MTA3: variants seen among roughly 807,000 people sequenced by gnomAD.
MTA3 encodes the protein metastasis associated 1 family member 3.
MTA3 carries 34 observed loss-of-function variants against 83.5 expected under a neutral mutation model. The observed-to-expected ratio is 0.41, with a 90% CI of 0.31 to 0.54. MTA3 has a LOEUF of 0.54. Among genes scored for constraint, MTA3 ranks in the 20% least tolerant of loss-of-function variants. The pLI is 0.33. For synonymous variants in MTA3, 303 were observed against 252.7 expected (o/e 1.20, Z -1.89); for missense variants, 761 against 726.4 (o/e 1.05, Z -0.55).
At position 42,602,248 on chromosome 2, in the gene MTA3, A is replaced by G. The variant is rs569210756; in HGVS notation, c.191-7210A>G. Among the ~76,000 whole-genome samples, 3 of 152,316 alleles carry G rather than the reference A, an allele frequency of 2.0e-5. No individual in the cohort carries two copies. In the East Asian group the frequency reaches 5.8e-4, roughly 29 times the overall value. Reference sequence around the variant, plus strand: ...TGCCTCGGCCTCCTGAAGTGCTGGGATTACAGGCGTGAGCCACCATACCCA... The same window carrying G: ...TGCCTCGGCCTCCTGAAGTGCTGGGGTTACAGGCGTGAGCCACCATACCCA... On this transcript the variant is annotated intron_variant, in intron 3 of 16. Coordinates refer to ENST00000405094, the MANE Select transcript of MTA3 (RefSeq NM_001330442.2).
intron 4 of MTA3, among the ~76,000 whole-genome samples, chr2:42,616,073 T>G (rs1404453666): frequency 1.3e-5 from 2 of 151,610 alleles, no homozygotes; most frequent in Non-Finnish European, 2.9e-5. Flanking sequence ...TTTGTTTTTG[T>G]TTTTGAGACA....
intron 7 of MTA3, among the ~76,000 whole-genome samples, chr2:42,658,178 A>G (rs1202673772): frequency 2.6e-5 from 4 of 151,914 alleles, no homozygotes; most frequent in Non-Finnish European, 4.4e-5. Flanking sequence ...TTAAAGACTG[A>G]CAGTGCTAAG....
At position 42,553,349 on chromosome 2, in the gene MTA3, T is replaced by G. The variant is rs1330596842; in HGVS notation, c.-140-17088T>G. On this transcript the variant is annotated intron_variant, in intron 2 of 17. Transcript: ENST00000405592. ...TGAGGCAGGAGAATGGCGTGAACCC[T>G]GGAAGCGGAGCTTGCAGTGAGCCGA... 3.6e-5 allele frequency among the ~76,000 whole-genome samples: 5 copies of G among 138,124 alleles called. No homozygotes were observed. In the South Asian group the frequency reaches 9.2e-4, roughly 26 times the overall value. 90.6% of individuals were successfully genotyped at this position (138,124 alleles called of 152,430 possible). A position where few individuals can be genotyped will look rare whatever the true frequency, so the allele number is the denominator to read the frequency against.
intron 3 of MTA3, among the ~76,000 whole-genome samples, chr2:42,590,569 C>T (rs923681487): frequency 2.2e-4 from 33 of 151,724 alleles, no homozygotes; most frequent in African/African-American, 6.8e-4. Flanking sequence ...TTTATAGCAA[C>T]CCAAAATGGA....
intron 2 of MTA3, among the ~76,000 whole-genome samples, chr2:42,503,032 G>T (rs1674470824): frequency 6.6e-6 from 1 of 151,978 alleles, no homozygotes; most frequent in South Asian, 2.1e-4. Flanking sequence ...CCAAGAGAGG[G>T]TTATTGGATC....
intron 16 of MTA3, among the ~76,000 whole-genome samples, chr2:42,739,038 T>G: frequency 6.6e-6 from 1 of 152,186 alleles, no homozygotes. Flanking sequence ...CTGCCTCCAC[T>G]TGCCTTGTGA....
chr2:42,744,755 A>G (rs764437225), intron 16 of MTA3, among the ~76,000 whole-genome samples: 8 of 152,214 alleles, frequency 5.3e-5, no homozygotes, highest in Non-Finnish European at 1.0e-4. Context: ...CCATCAAAAG[A>G]GCAGTCATAA....
At chr2:42,748,359 C>T (rs535597014) in intron 16 of MTA3, among the ~76,000 whole-genome samples, 11 of 152,140 alleles carry the variant, frequency 7.2e-5, no homozygotes, top group South Asian at 2.1e-4. Context: ...CCACTGTGCC[C>T]GGCCTATTTT....
chr2:42,594,659 T>TAA (rs1681471957), intron 3 of MTA3, among the ~76,000 whole-genome samples: 5 of 136,686 alleles, frequency 3.7e-5, no homozygotes, highest in Non-Finnish European at 7.8e-5. Context: ...TATAAATATA[T>TAA]ATATACACAC....
chr2:42,738,052 A>G (rs1668735552), intron 16 of MTA3, among the ~76,000 whole-genome samples: 1 of 152,202 alleles, frequency 6.6e-6, no homozygotes, highest in Non-Finnish European at 1.5e-5. Flanking sequence ...GCTTGAGCCT[A>G]GGAGTTTGAG....
intron 10 of MTA3, 30 bp downstream of exon 10, chr2:42,695,869 G>GAATTC: frequency 7.2e-7 from 1 of 1,382,752 alleles, no homozygotes; most frequent in Non-Finnish European, 9.9e-7. Flanking sequence ...TACCAATATG[G>GAATTC]TTGCATTTAA....
At chr2:42,602,061 G>C (rs1489535627) in intron 3 of MTA3, among the ~76,000 whole-genome samples, 1 of 152,162 alleles carries the variant, frequency 6.6e-6, no homozygotes, top group African/African-American at 2.4e-5. Flanking sequence ...GGCTGGTCTC[G>C]AACTCCTGAC....
At chr2:42,520,582 C>CA (rs1553336965) in intron 2 of MTA3, among the ~76,000 whole-genome samples, 2 of 148,938 alleles carry the variant, frequency 1.3e-5, no homozygotes, top group Admixed American at 1.4e-4. Context: ...TTTGTTCCTC[C>CA]TTTTTTTTTT....
chr2:42,570,390 G>A (rs1678331820), intron 1 of MTA3, 47 bp from the exon 2 acceptor site: 1 of 1,233,608 alleles, frequency 8.1e-7, no homozygotes, highest in African/African-American at 1.5e-5. Context: ...TGACAAATCT[G>A]AACTTTCTGT....
Position 42,708,763 on chromosome 2 carries a change from A to G in MTA3, c.1303-111A>G, listed in dbSNP as rs2104508238. 3.6e-6 allele frequency: 4 copies of G among 1,120,078 alleles called. 1 individual carries two copies. The Admixed American group carries it at 6.3e-5, about 18-fold the overall frequency. 69.4% of individuals were successfully genotyped at this position (1,120,078 alleles called of 1,614,324 possible). A position where few individuals can be genotyped will look rare whatever the true frequency, so the allele number is the denominator to read the frequency against. On this transcript the variant is annotated intron_variant, in intron 13 of 16. Transcript: ENST00000405094. ...GGTAGTGCACCAAGTGACGTTATAG[A>G]TGCTTCATGAAAGATTTAAAAGTTG...
At chr2:42,743,760 A>C (rs1669207833) in intron 16 of MTA3, among the ~76,000 whole-genome samples, 1 of 152,142 alleles carries the variant, frequency 6.6e-6, no homozygotes, top group Non-Finnish European at 1.5e-5. Context: ...TTGGCATCCC[A>C]ACCCTGGGAA....
At chr2:42,563,266 T>G (rs1216225465) in intron 2 of MTA3, among the ~76,000 whole-genome samples, 1 of 152,204 alleles carries the variant, frequency 6.6e-6, no homozygotes, top group Non-Finnish European at 1.5e-5. Flanking sequence ...CCTCCCAGGT[T>G]TAAGCGATTC....
intron 3 of MTA3, among the ~76,000 whole-genome samples, chr2:42,590,223 G>C (rs771855128): frequency 1.3e-5 from 2 of 152,094 alleles, no homozygotes; most frequent in Non-Finnish European, 2.9e-5. Flanking sequence ...TTGATCCCTG[G>C]TGTTGGAGGT....
At chr2:42,722,820 A>G (rs1667523360) in intron 15 of MTA3, 69 bp from the exon 16 acceptor site, 1 of 1,505,620 alleles carries the variant, frequency 6.6e-7, no homozygotes, top group Admixed American at 2.0e-5. Flanking sequence ...TGTGCCTATT[A>G]GCCAATGTAA....
Sources: gnomAD v4.1 joint callset for allele counts (sites outside exome capture counted in the v4.1 genomes callset) on GRCh38, gnomAD v4.1.1 for gene constraint, MANE v1.5 for transcripts, NCBI Gene and HGNC (gene_info 2026-07-23, HGNC 2026-07-21) for gene names.